The following CD3G variants were observed in gnomAD, a reference collection of about 807,000 sequenced individuals.
The protein encoded by CD3G is T-cell surface glycoprotein CD3 gamma chain.
CD3G carries 24 observed loss-of-function variants against 28.3 expected under a neutral mutation model. The observed-to-expected ratio is 0.85, with a 90% CI of 0.61 to 1.19. The LOEUF (loss-of-function observed/expected upper bound fraction) is 1.19. Among genes scored for constraint, CD3G ranks in the 50% most tolerant of loss-of-function variants. The probability of loss-of-function intolerance (pLI) is 0.00; values close to 1 mark genes in which losing one functional copy is unlikely to be tolerated. For synonymous variants in CD3G, 71 were observed against 75.9 expected (o/e 0.93, Z 0.34); for missense variants, 211 against 210.0 (o/e 1.00, Z -0.03).
chr11:118,353,273 CAAATAAAATAA>C lies in CD3G; in HGVS notation c.*182_*192del, dbSNP rs1948425174. 6.6e-6 allele frequency: 1 copy of C among 151,690 alleles called. No individual in the cohort carries two copies. Among genetic ancestry groups the C allele is most frequent in the Non-Finnish European group, 1.5e-5 (1 of 67,956 alleles). The allele number at this position is 151,690 out of a possible 1,614,324, so 9.4% of individuals were successfully genotyped here. A position where few individuals can be genotyped will look rare whatever the true frequency, so the allele number is the denominator to read the frequency against. On this transcript the variant is annotated 3_prime_UTR_variant, in exon 7 of 7. Coordinates refer to ENST00000532917, the MANE Select transcript of CD3G (RefSeq NM_000073.3). ...CATCAGAGCAAATTTGGGGGTTTCT[CAAATAAAATAA>C]AAATAAAAACAAATACTGTGTTTCA...
intron 1 of CD3G, among the ~76,000 whole-genome samples, chr11:118,347,940 G>C (rs1249821214): frequency 6.6e-6 from 1 of 152,130 alleles, no homozygotes; most frequent in Admixed American, 6.6e-5. Flanking sequence ...TTATGAGACA[G>C]ATTTGAGGAC....
At chr11:118,350,917 A>G (rs1948403900) in intron 4 of CD3G, 1 of 1,222,194 alleles carries the variant, frequency 8.2e-7, no homozygotes, top group Non-Finnish European at 1.0e-6. Flanking sequence ...AAACAGGCGC[A>G]GTGGCTCACG....
rs1371543069 is a variant in CD3G at position 118,354,690 on chromosome 11, C to A, written c.*1590C>A. The A allele has an allele frequency of 1.3e-5, 2 of 151,880 alleles. No homozygotes were observed. Among genetic ancestry groups the A allele is most frequent in the Non-Finnish European group, 2.9e-5 (2 of 68,000 alleles). The allele number at this position is 151,880 out of a possible 1,614,324, so 9.4% of individuals were successfully genotyped here. On this transcript the variant is annotated 3_prime_UTR_variant, in exon 7 of 7. Coordinates refer to ENST00000532917, the MANE Select transcript of CD3G (RefSeq NM_000073.3). ...GATTTAATATGGTATTTTATTATGG[C>A]CTTAATTTGCATTTCCCTAGATACT... is the stretch of plus-strand genomic sequence containing the variant.
intron 5 of CD3G, 82 bp downstream of exon 5, chr11:118,351,753 G>A: frequency 7.7e-7 from 1 of 1,303,734 alleles, no homozygotes; most frequent in Non-Finnish European, 1.1e-6. Flanking sequence ...TTATTTGGAA[G>A]ATCCTATACA....
At position 118,349,975 on chromosome 11, in the gene CD3G, G is replaced by A. The variant is rs370770359; in HGVS notation, c.307+5G>A. 1.2e-6 allele frequency: 2 copies of A among 1,604,456 alleles called. No individual in the cohort carries two copies. Among genetic ancestry groups the A allele is most frequent in the African/African-American group, 2.7e-5 (2 of 74,732 alleles). On this transcript the variant is annotated splice_donor_5th_base_variant and intron_variant, in intron 3 of 6. Transcript: ENST00000532917. Reference sequence around the variant, plus strand: ...CACTCCAAGTGTATTACAGAAGTATGTAATCCCCTTTGGTCTGTTTGTTGT... The same window carrying A: ...CACTCCAAGTGTATTACAGAAGTATATAATCCCCTTTGGTCTGTTTGTTGT...
rs1243150605 is a variant in CD3G at position 118,354,474 on chromosome 11, T to A, written c.*1374T>A. 1 of 151,226 alleles carries A rather than the reference T, an allele frequency of 6.6e-6. No homozygotes were observed. Among genetic ancestry groups the A allele is most frequent in the Non-Finnish European group, 1.5e-5 (1 of 67,896 alleles). The allele number at this position is 151,226 out of a possible 1,614,324, so 9.4% of individuals were successfully genotyped here. The stretch of plus-strand genomic sequence containing the variant: ...CATGCCACCACGCCCAGCTCATTTT[T>A]TGTGTATTTAGTATTTGTGTATCTA... On this transcript the variant is annotated 3_prime_UTR_variant, in exon 7 of 7. Transcript: ENST00000532917.
chr11:118,344,985 T>C (rs980259246), intron 1 of CD3G, among the ~76,000 whole-genome samples: 6 of 152,308 alleles, frequency 3.9e-5, no homozygotes, highest in African/African-American at 1.4e-4. Context: ...AGATTAGTTT[T>C]CATGGTGCCA....
rs538492070 is a variant in CD3G at position 118,352,617 on chromosome 11, G to A, written c.*18+130G>A. 209 of 734,554 alleles carry A rather than the reference G, an allele frequency of 2.8e-4. 1 individual carries two copies. In the African/African-American group the frequency reaches 3.5e-3, roughly 12 times the overall value. The allele number at this position is 734,554 out of a possible 1,614,324, so 45.5% of individuals were successfully genotyped here. On this transcript the variant is annotated intron_variant, in intron 6 of 6. Transcript: ENST00000532917. Reference sequence around the variant, plus strand: ...TCTGGGGATCAGGGATTGGGACGTGGTTTGGGGTACTCTTTTCTAAAAATT... The same window carrying A: ...TCTGGGGATCAGGGATTGGGACGTGATTTGGGGTACTCTTTTCTAAAAATT...
chr11:118,352,226 A>AG lies in CD3G; in HGVS notation c.484-178_484-177insG, dbSNP rs925138604. Among the ~76,000 whole-genome samples, 9 of 151,912 alleles carry AG rather than the reference A, an allele frequency of 5.9e-5. No individual in the cohort carries two copies. The South Asian group carries it at 8.3e-4, about 14-fold the overall frequency. On this transcript the variant is annotated intron_variant, in intron 5 of 6. Coordinates refer to ENST00000532917, the MANE Select transcript of CD3G (RefSeq NM_000073.3). ...GAAAGACTCCGTCTCAAAAAAAAAA[A>AG]AGAGAGAGAGAGAAAAAGAAAAAAG...
At chr11:118,346,924 G>C (rs1287663190) in intron 1 of CD3G, among the ~76,000 whole-genome samples, 2 of 151,716 alleles carry the variant, frequency 1.3e-5, no homozygotes, top group African/African-American at 4.8e-5. Flanking sequence ...TTCTGACCAG[G>C]TGGTCAGGAG....
chr11:118,349,035 G>T lies in CD3G; in HGVS notation c.64G>T (p.Ala22Ser). The part of the protein sequence containing the change: ...LAIILLQGTL[A>S]QSIKGNHLVK... ...CTCTTCTGTCTTTACAGGTACTTTG[G>T]CCCAGTCAATCAAAGGTAGGAGAAA... Residue 22 changes from alanine to serine, a missense_variant, in exon 2 of 7, where the codon GCC becomes TCC. Transcript: ENST00000532917. 6.2e-7 allele frequency: 1 copy of T among 1,614,032 alleles called. No homozygotes were observed. Among genetic ancestry groups the T allele is most frequent in the Non-Finnish European group, 8.5e-7 (1 of 1,179,984 alleles).
chr11:118,350,616 C>T lies in CD3G; in HGVS notation c.372C>T (p.Val124=). The stretch of plus-strand genomic sequence containing the variant: ...CTGGCTTTCTCTTTGCTGAAATCGT[C>T]AGCATTTTCGTCCTTGCTGTTGGGG... ...TISGFLFAEI[V]SIFVLAVGVY... Residue 124 remains valine (V), a synonymous_variant, in exon 4 of 7, where the codon GTC becomes GTT. Transcript: ENST00000532917. 6.2e-7 allele frequency: 1 copy of T among 1,614,064 alleles called. No homozygotes were observed. Among genetic ancestry groups the T allele is most frequent in the Non-Finnish European group, 8.5e-7 (1 of 1,179,994 alleles).
At chr11:118,347,139 G>T (rs3212262) in intron 1 of CD3G, among the ~76,000 whole-genome samples, 12,421 of 152,082 alleles carry the variant, frequency 0.082, 619 homozygotes, top group Non-Finnish European at 0.11. Context: ...ACTCATGACC[G>T]CCTCTCCCTA....
At chr11:118,348,995 G>A in intron 1 of CD3G, 32 bp from the exon 2 acceptor site, 1 of 1,613,650 alleles carries the variant, frequency 6.2e-7, no homozygotes, top group Non-Finnish European at 8.5e-7. Context: ...TCCATGCCCA[G>A]CTAATACTCT....
chr11:118,346,199 C>A (rs1372815899), intron 1 of CD3G, among the ~76,000 whole-genome samples: 1 of 151,928 alleles, frequency 6.6e-6, no homozygotes, highest in Non-Finnish European at 1.5e-5. Context: ...TTTGGGAGGT[C>A]GAGGCAGGTG....
chr11:118,349,824 C>T lies in CD3G; in HGVS notation c.161C>T (p.Thr54Ile), dbSNP rs2134069673. 6.2e-7 allele frequency: 1 copy of T among 1,613,946 alleles called. No homozygotes were observed. The highest frequency in any genetic ancestry group is 8.5e-7 in the Non-Finnish European group (1 of 1,179,970). Residue 54 changes from threonine (T) to isoleucine (I), a missense_variant, in exon 3 of 7, where the codon ACA becomes ATA. Transcript: ENST00000532917. ...LTCDAEAKNI[T>I]WFKDGKMIGF... is the part of the protein sequence containing the mutation. ...TGTGATGCAGAAGCCAAAAATATCACATGGTTTAAAGATGGGAAGATGATC... is the reference window on the plus strand; with the variant it reads ...TGTGATGCAGAAGCCAAAAATATCATATGGTTTAAAGATGGGAAGATGATC...
intron 2 of CD3G, chr11:118,349,290 A>G: frequency 7.0e-7 from 1 of 1,427,976 alleles, no homozygotes; most frequent in East Asian, 2.7e-5. Flanking sequence ...GTAGCTAGGG[A>G]CACATCTCAA....
At chr11:118,344,689 A>C (rs1948339096) in intron 1 of CD3G, among the ~76,000 whole-genome samples, 1 of 152,270 alleles carries the variant, frequency 6.6e-6, no homozygotes, top group African/African-American at 2.4e-5. Flanking sequence ...TCTCTGAAAA[A>C]TGCAAACAGA....
In CD3G at chr11:118,352,473, C is replaced by T; in HGVS notation, c.*4C>T. On this transcript the variant is annotated 3_prime_UTR_variant, in exon 6 of 7. Transcript: ENST00000532917. The stretch of plus-strand genomic sequence containing the variant: ...AAACCAGTTGAGGAGGAATTGAACT[C>T]AGGACTCAGAGTAGGTGGGTTCTTC... The T allele has an allele frequency of 6.2e-7, 1 of 1,612,534 alleles. No homozygotes were observed. Among genetic ancestry groups the T allele is most frequent in the Middle Eastern group, 1.7e-4 (1 of 6,060 alleles).
Sources: allele counts gnomAD v4.1 joint callset (sites outside exome capture counted in the v4.1 genomes callset), GRCh38; gene constraint gnomAD v4.1.1; transcripts MANE v1.5; gene names NCBI Gene and HGNC (gene_info 2026-07-23, HGNC 2026-07-21).